The following TF variants were observed in gnomAD, a reference collection of about 807,000 sequenced individuals.
TF encodes transferrin, also known as serotransferrin.
TF carries 55 observed loss-of-function variants against 82.4 expected under a neutral mutation model. That is an observed-to-expected ratio of 0.67 (90% CI 0.54 to 0.84). The LOEUF (loss-of-function observed/expected upper bound fraction) is 0.84. Ranked by LOEUF, TF falls within the 40% of genes least tolerant of loss-of-function variation. TF has a pLI of 0.00. For missense variants in TF, 737 were observed against 868.4 expected, an observed-to-expected ratio of 0.85 and a Z score of 1.90; for synonymous variants, 332 against 332.6, an observed-to-expected ratio of 1.00 and a Z score of 0.02.
chr3:133,719,508 C>T, the TF span, among the ~76,000 whole-genome samples: 1 of 152,038 alleles, frequency 6.6e-6, no homozygotes, highest in Non-Finnish European at 1.5e-5. Context: ...TGTGGTGTCT[C>T]CCTCCCACTC....
chr3:133,699,365 G>A, the TF span: 1 of 727,070 alleles, frequency 1.4e-6, no homozygotes, highest in Non-Finnish European at 2.2e-6. Context: ...ATATTTGATG[G>A]TTCGGTGAGG....
the TF span, among the ~76,000 whole-genome samples, chr3:133,703,292 G>C: frequency 5.9e-5 from 9 of 152,244 alleles, no homozygotes; most frequent in African/African-American, 2.2e-4. Context: ...TAAACCTATA[G>C]GGTATAATTT....
rs746368205 is a variant in TF, at chr3:133,757,721, C to CA, written c.871-48_871-47insA. ...TTTCTCTTCAGTCCCATTTCTCAGC[C>CA]TCCTTTCTTCTGTGTTGCCATCCAC... On this transcript the variant is annotated intron_variant, in intron 7 of 16. Transcript: ENST00000402696. 8 of 1,551,118 alleles carry CA rather than the reference C, an allele frequency of 5.2e-6. No homozygotes were observed. In the East Asian group the frequency reaches 1.8e-4, roughly 35 times the overall value.
At chr3:133,695,513 T>G in the TF span, among the ~76,000 whole-genome samples, 2 of 152,286 alleles carry the variant, frequency 1.3e-5, no homozygotes, top group Non-Finnish European at 2.9e-5. Context: ...CCCAAAGTGC[T>G]GGGATTACAG....
At chr3:133,671,931 C>T in the TF span, among the ~76,000 whole-genome samples, 1 of 151,584 alleles carries the variant, frequency 6.6e-6, no homozygotes, top group Non-Finnish European at 1.5e-5. Context: ...TAGAGAAAAA[C>T]AGCAAAGCCA....
the TF span, among the ~76,000 whole-genome samples, chr3:133,725,132 G>A: frequency 4.6e-5 from 7 of 152,102 alleles, no homozygotes; most frequent in South Asian, 2.1e-4. Context: ...TTGACTTGGC[G>A]ATGGGGGCTC....
chr3:133,746,570 C>A, intron 1 of TF, 87 bp downstream of exon 1: 1 of 1,436,880 alleles, frequency 7.0e-7, no homozygotes, highest in Non-Finnish European at 9.5e-7. Flanking sequence ...CCTGCATGCA[C>A]TCCGCGCTCA....
the TF span, among the ~76,000 whole-genome samples, chr3:133,700,445 G>A: frequency 4.6e-5 from 7 of 152,250 alleles, no homozygotes; most frequent in African/African-American, 1.7e-4. Context: ...GTGTCCCACA[G>A]CTGGTCCTTC....
chr3:133,791,448 T>A lies in TF; in HGVS notation c.*12828T>A, dbSNP rs1056701752. 3 of 152,182 alleles carry A rather than the reference T, an allele frequency of 2.0e-5. No homozygotes were observed. Among genetic ancestry groups the A allele is most frequent in the African/African-American group, 7.2e-5 (3 of 41,448 alleles). The allele number at this position is 152,182 out of a possible 1,614,324, so 9.4% of individuals were successfully genotyped here. A position where few individuals can be genotyped will look rare whatever the true frequency, so the allele number is the denominator to read the frequency against. On this transcript the variant is annotated 3_prime_UTR_variant, in exon 17 of 17. Coordinates refer to ENST00000402696, the MANE Select transcript of TF (RefSeq NM_001063.4). ...TGGCATACTGGCAAAAGGGTAAGAA[T>A]TTCTTACCAGCCAGACTCTGGTCTC...
At position 133,778,933 on chromosome 3, in the gene TF, AT is replaced by A. The variant is rs1576369972; in HGVS notation, c.*314del. ...ACAGCTTTGTGTGTGCCATGGCCAC[AT>A]CTCCTGGGTACAGTTCAAGGAGACA... On this transcript the variant is annotated 3_prime_UTR_variant, in exon 17 of 17. Coordinates refer to ENST00000402696, the MANE Select transcript of TF (RefSeq NM_001063.4). 5.6e-6 allele frequency: 2 copies of A among 357,522 alleles called. No homozygotes were observed. The highest frequency in any genetic ancestry group is 1.4e-4 in the East Asian group (2 of 14,280). 22.1% of individuals were successfully genotyped at this position (357,522 alleles called of 1,614,324 possible).
the TF span, among the ~76,000 whole-genome samples, chr3:133,689,278 T>C: frequency 6.6e-6 from 1 of 152,004 alleles, no homozygotes; most frequent in African/African-American, 2.4e-5. Flanking sequence ...GAGCCAAGAT[T>C]GTGCCACTAC....
At chr3:133,771,905 G>A (rs1400266813) in intron 14 of TF, among the ~76,000 whole-genome samples, 2 of 152,050 alleles carry the variant, frequency 1.3e-5, no homozygotes, top group Non-Finnish European at 2.9e-5. Flanking sequence ...TGCTAGCAGA[G>A]CCCACTGGAA....
the TF span, among the ~76,000 whole-genome samples, chr3:133,673,537 G>T: frequency 6.6e-6 from 1 of 152,236 alleles, no homozygotes; most frequent in South Asian, 2.1e-4. Flanking sequence ...ATGAATAAAG[G>T]GCAACTATAA....
chr3:133,751,638 T>C (rs1473799334), intron 2 of TF, among the ~76,000 whole-genome samples: 1 of 152,198 alleles, frequency 6.6e-6, no homozygotes, highest in Non-Finnish European at 1.5e-5. Flanking sequence ...TGGATAGATG[T>C]GATGGCTATA....
At chr3:133,691,495 G>A in the TF span, among the ~76,000 whole-genome samples, 3 of 152,176 alleles carry the variant, frequency 2.0e-5, no homozygotes, top group Non-Finnish European at 2.9e-5. Flanking sequence ...GGTTGATAAG[G>A]CTCAGAAGGA....
intron 3 of TF, chr3:133,754,212 C>G: frequency 2.1e-6 from 1 of 471,190 alleles, no homozygotes; most frequent in East Asian, 4.3e-5. Context: ...TAGGTGTAGG[C>G]AGACACGCTG....
intron 3 of TF, 54 bp from the exon 4 acceptor site, chr3:133,754,441 C>A: frequency 6.3e-7 from 1 of 1,581,348 alleles, no homozygotes; most frequent in South Asian, 1.1e-5. Flanking sequence ...TGGTGATGAG[C>A]CATGTTTCCC....
At position 133,796,628 on chromosome 3, in the gene TF, C is replaced by T. The variant is rs932354751; in HGVS notation, c.*18008C>T. 6.6e-6 allele frequency: 1 copy of T among 152,180 alleles called. No individual in the cohort carries two copies. The highest frequency in any genetic ancestry group is 1.5e-5 in the Non-Finnish European group (1 of 68,020). 9.4% of individuals were successfully genotyped at this position (152,180 alleles called of 1,614,324 possible). A position where few individuals can be genotyped will look rare whatever the true frequency, so the allele number is the denominator to read the frequency against. ...TACTTTTGTTTTCAATAAACCTCTG[C>T]TTTTGTTGCTTCATTCTTTCCTTGC... On this transcript the variant is annotated 3_prime_UTR_variant, in exon 17 of 17. Transcript: ENST00000402696.
chr3:133,788,398 C>T lies in TF; in HGVS notation c.*9778C>T, dbSNP rs1456690322. The T allele has an allele frequency of 6.6e-6, 1 of 152,218 alleles. No individual in the cohort carries two copies. Among genetic ancestry groups the T allele is most frequent in the Non-Finnish European group, 1.5e-5 (1 of 68,040 alleles). 9.4% of individuals were successfully genotyped at this position (152,218 alleles called of 1,614,324 possible). On this transcript the variant is annotated 3_prime_UTR_variant, in exon 17 of 17. Transcript: ENST00000402696. ...AACCCGAGAAAATTCTGTAACTGGG[C>T]TCTTGAGCCCCTAAGCACAGGCCTT...
Sources: allele counts gnomAD v4.1 joint callset (sites outside exome capture counted in the v4.1 genomes callset), GRCh38; gene constraint gnomAD v4.1.1; transcripts MANE v1.5; gene names NCBI Gene and HGNC (gene_info 2026-07-23, HGNC 2026-07-21).